Variants in DNAH17 observed in about 807,000 individuals in gnomAD.
DNAH17 encodes axonemal beta dynein heavy chain 17.
In DNAH17, 376 loss-of-function variants were observed where a neutral mutation model predicts 485.6. That is an observed-to-expected ratio of 0.77 (90% CI 0.71 to 0.84). The LOEUF (loss-of-function observed/expected upper bound fraction) is 0.84. DNAH17 is among the 40% of genes least tolerant of loss of function. The pLI, the probability that DNAH17 is intolerant of heterozygous loss-of-function variation, is 0.00. For synonymous variants in DNAH17, 3,031 were observed against 2,405.9 expected (o/e 1.26, Z -7.60); for missense variants, 6,370 against 5,839.3 (o/e 1.09, Z -2.96).
intron 72 of DNAH17, among the ~76,000 whole-genome samples, chr17:78,440,031 TCAAGTGATC>T (rs936699398): frequency 2.0e-5 from 3 of 151,738 alleles, no homozygotes; most frequent in African/African-American, 7.3e-5. Context: ...CTCCCCAAGC[TCAAGTGATC>T]CTTCTGCCTT....
At chr17:78,570,872 A>AAG (rs1261568089) in intron 6 of DNAH17, 76 bp downstream of exon 6, 5 of 794,280 alleles carry the variant, frequency 6.3e-6, no homozygotes, top group East Asian at 3.4e-5. Flanking sequence ...AAAAAAAAAA[A>AAG]AAAAAAGAAA....
intron 36 of DNAH17, chr17:78,500,054 G>C: frequency 2.2e-6 from 1 of 453,034 alleles, no homozygotes. Context: ...GAAATTGAGA[G>C]AGGGTCACCT....
chr17:78,545,192 T>G (rs189979463), intron 16 of DNAH17, among the ~76,000 whole-genome samples: 1 of 152,356 alleles, frequency 6.6e-6, no homozygotes, highest in East Asian at 1.9e-4. Flanking sequence ...CGTGAGTACT[T>G]ATAGTTTTTC....
intron 55 of DNAH17, 144 bp from the exon 56 acceptor site, chr17:78,466,960 T>C (rs768214499): frequency 7.3e-6 from 6 of 825,682 alleles, no homozygotes; most frequent in Non-Finnish European, 1.0e-5. Context: ...GTCCTGGTTC[T>C]GGGTTTGAAG....
chr17:78,424,171 C>G lies in DNAH17; in HGVS notation c.13142-18G>C. 6.3e-7 allele frequency: 1 copy of G among 1,598,210 alleles called. No individual in the cohort carries two copies. The highest frequency in any genetic ancestry group is 1.3e-5 in the African/African-American group (1 of 74,906). On this transcript the variant is annotated intron_variant, in intron 80 of 80. Transcript: ENST00000389840. ...GCGAGCCCCTGCAGGGACAGTATGG[C>G]TGAGGGTCAGGTGTGCTGCCAGTAA...
At chr17:78,561,037 G>A (rs752986870) in intron 12 of DNAH17, 102 bp from the exon 13 acceptor site, 47 of 1,139,770 alleles carry the variant, frequency 4.1e-5, no homozygotes, top group African/African-American at 2.3e-4. Context: ...CGAAGCGGCC[G>A]GCCACCCAAT....
rs1342073804 is a variant in DNAH17 at position 78,543,701 on chromosome 17, A to G, written c.2532+156T>C. 30 of 1,101,742 alleles carry G rather than the reference A, an allele frequency of 2.7e-5. No individual in the cohort carries two copies. In the South Asian group the frequency reaches 3.6e-4, roughly 13 times the overall value. The allele number at this position is 1,101,742 out of a possible 1,614,324, so 68.2% of individuals were successfully genotyped here. A position where few individuals can be genotyped will look rare whatever the true frequency, so the allele number is the denominator to read the frequency against. On this transcript the variant is annotated intron_variant, in intron 17 of 80. Transcript: ENST00000389840. The stretch of plus-strand genomic sequence containing the variant: ...CAGCCTCCCAGAGTGCTGGGATTAC[A>G]GGTGAGAGCCACTGCATCCAGCCAG...
rs1432017427 is a variant in DNAH17, at chr17:78,449,550, C to T, written c.11075G>A (p.Arg3692Lys). The T allele has an allele frequency of 6.2e-7, 1 of 1,605,458 alleles. No individual in the cohort carries two copies. The highest frequency in any genetic ancestry group is 1.1e-5 in the South Asian group (1 of 89,228). Residue 3692 changes from arginine to lysine, a missense_variant, in exon 69 of 81, where the codon AGG becomes AAG. By Grantham distance (26) the Arg-to-Lys change is conservative. Coordinates refer to ENST00000389840, the MANE Select transcript of DNAH17 (RefSeq NM_173628.4). ...FNVVFEKAIQ[R>K]TTPANEVKQR... ...CTTCACCTCGTTGGCAGGGGTGGTC[C>T]TCTGGATGGCTTTCTCAAACACCAC... is the stretch of plus-strand genomic sequence containing the variant.
intron 56 of DNAH17, 60 bp downstream of exon 56, chr17:78,466,595 T>C (rs2088470422): frequency 1.3e-6 from 2 of 1,489,752 alleles, no homozygotes; most frequent in East Asian, 2.5e-5. Context: ...GAGCCAGCCC[T>C]TGGGCCTGTC....
At chr17:78,498,485 T>G (rs1178252660) in intron 37 of DNAH17, among the ~76,000 whole-genome samples, 2 of 152,206 alleles carry the variant, frequency 1.3e-5, no homozygotes, top group African/African-American at 4.8e-5. Context: ...GCTGGAGATT[T>G]TAACAAGCAT....
chr17:78,491,389 C>A (rs911283719), intron 43 of DNAH17, 54 bp downstream of exon 43: 2 of 1,590,486 alleles, frequency 1.3e-6, no homozygotes, highest in African/African-American at 2.7e-5. Context: ...CCTGTGAGCC[C>A]CCGTTGTCCC....
chr17:78,498,058 C>T (rs2090136167), intron 37 of DNAH17, among the ~76,000 whole-genome samples: 1 of 152,180 alleles, frequency 6.6e-6, no homozygotes, highest in South Asian at 2.1e-4. Flanking sequence ...AGGAGAATTG[C>T]TTAAACCCGG....
chr17:78,501,848 G>A lies in DNAH17; in HGVS notation c.5216C>T (p.Thr1739Met), dbSNP rs61743998. Residue 1739 changes from threonine to methionine, a missense_variant, in exon 34 of 81, where the codon ACG becomes ATG. Transcript: ENST00000389840. ...KQISQLNVLITLLMGNLNAGD... is the reference protein window; with the variant it reads ...KQISQLNVLIMLLMGNLNAGD... ...AGCGTTGAGGTTCCCCATGAGCAGC[G>A]TGATGAGTACGTTCAGCTGGCTAAT... 6,569 of 1,613,984 alleles carry A rather than the reference G, an allele frequency of 4.1e-3. 207 individuals are homozygous for A. In the African/African-American group the frequency reaches 0.072, roughly 18 times the overall value.
rs776052811 is a variant in DNAH17 at position 78,479,017 on chromosome 17, A to G, written c.7992+8T>C. ...GGCAGGCATGACATAAAGCTACAAG[A>G]GCAGTACCTGGAAAATATTGGAGAG... On this transcript the variant is annotated splice_region_variant and intron_variant, in intron 51 of 80. Coordinates refer to ENST00000389840, the MANE Select transcript of DNAH17 (RefSeq NM_173628.4). The G allele has an allele frequency of 1.2e-6, 2 of 1,612,622 alleles. No homozygotes were observed. Among genetic ancestry groups the G allele is most frequent in the Non-Finnish European group, 1.7e-6 (2 of 1,178,786 alleles).
chr17:78,540,610 G>T (rs1250094073), intron 17 of DNAH17, among the ~76,000 whole-genome samples: 1 of 133,194 alleles, frequency 7.5e-6, no homozygotes, highest in Non-Finnish European at 1.6e-5. Flanking sequence ...ATGAATAGAT[G>T]AATAGAGTGG....
intron 17 of DNAH17, among the ~76,000 whole-genome samples, chr17:78,543,079 C>T (rs2091644519): frequency 6.6e-6 from 1 of 151,810 alleles, no homozygotes; most frequent in South Asian, 2.1e-4. Context: ...TGGTCTACTA[C>T]TTAAAGATAA....
chr17:78,461,621 C>G lies in DNAH17; in HGVS notation c.9262G>C (p.Gly3088Arg). Residue 3088 changes from glycine (G) to arginine (R), a missense_variant, in exon 58 of 81, where the codon GGC becomes CGC. Coordinates refer to ENST00000389840, the MANE Select transcript of DNAH17 (RefSeq NM_173628.4). ...TTGCTGACCTTCTCGGCCTCGATGC[C>G]GACCACCTGGATCAGTTGGTCTGCG... Reference protein sequence around the residue: ...ESADQLIQVVGIEAEKVSKEK... With the variant: ...ESADQLIQVVRIEAEKVSKEK... 1 of 1,610,542 alleles carries G rather than the reference C, an allele frequency of 6.2e-7. No individual in the cohort carries two copies. Among genetic ancestry groups the G allele is most frequent in the Non-Finnish European group, 8.5e-7 (1 of 1,178,764 alleles).
chr17:78,555,122 G>A (rs2091991425), intron 14 of DNAH17, among the ~76,000 whole-genome samples: 1 of 152,184 alleles, frequency 6.6e-6, no homozygotes, highest in African/African-American at 2.4e-5. Context: ...TAGGATAGGT[G>A]CTTAGGAAAG....
At position 78,530,641 on chromosome 17, in the gene DNAH17, G is replaced by A. The variant is rs554647925; in HGVS notation, c.3115-129C>T. On this transcript the variant is annotated intron_variant, in intron 20 of 80. Coordinates refer to ENST00000389840, the MANE Select transcript of DNAH17 (RefSeq NM_173628.4). ...TCACCTGCCGGCCACTCTGGGGCCA[G>A]GGTCAGCAAAGGGCAGTACGGGACA... is the stretch of plus-strand genomic sequence containing the variant. 1.2e-5 allele frequency: 14 copies of A among 1,160,932 alleles called. No individual in the cohort carries two copies. The Admixed American group carries it at 2.6e-4, about 21-fold the overall frequency. 71.9% of individuals were successfully genotyped at this position (1,160,932 alleles called of 1,614,324 possible).
Sources: gnomAD v4.1 joint callset for allele counts (sites outside exome capture counted in the v4.1 genomes callset) on GRCh38, gnomAD v4.1.1 for gene constraint, MANE v1.5 for transcripts, NCBI Gene and HGNC (gene_info 2026-07-23, HGNC 2026-07-21) for gene names.